The following CYBC1 variants were observed in gnomAD, a reference collection of about 807,000 sequenced individuals.
CYBC1 encodes cytochrome b-245 chaperone 1, also known as essential for reactive oxygen species protein.
A neutral mutation model predicts 21.7 loss-of-function variants in CYBC1; 22 were observed. That is an observed-to-expected ratio of 1.02 (90% confidence interval 0.73 to 1.45). The LOEUF is 1.45. Ranked by LOEUF, CYBC1 falls within the 40% of genes most tolerant of loss-of-function variation. CYBC1 has a pLI of 0.00. For missense variants in CYBC1, 237 were observed against 242.1 expected (o/e 0.98, Z 0.14); for synonymous variants, 112 against 98.7 (o/e 1.13, Z -0.80).
chr17:82,446,637 A>C lies in CYBC1; in HGVS notation c.187T>G (p.Leu63Val), dbSNP rs2054307022. 6.2e-7 allele frequency: 1 copy of C among 1,614,038 alleles called. No homozygotes were observed. Among genetic ancestry groups the C allele is most frequent in the South Asian group, 1.1e-5 (1 of 91,078 alleles). Residue 63 changes from leucine (L) to valine (V), a missense_variant, in exon 4 of 7, where the codon TTG (leucine) becomes GTG (valine). Coordinates refer to ENST00000306645, the MANE Select transcript of CYBC1 (RefSeq NM_001033046.4). ...TGCLFVAVQNLEDWEEAIFDK... is the reference protein window; with the variant it reads ...TGCLFVAVQNVEDWEEAIFDK... ...GCCGGCCTTACCTCCCAGTCCTCCA[A>C]GTTCTGCACAGCCACAAACAGGCAG...
chr17:82,449,326 C>T (rs960363648), intron 1 of CYBC1, 34 bp from the exon 2 acceptor site: 1 of 1,281,198 alleles, frequency 7.8e-7, no homozygotes, highest in Non-Finnish European at 1.0e-6. Context: ...AGCCCTTGGG[C>T]CTGCACACAG....
In CYBC1 at chr17:82,442,917, G is replaced by A. The variant is rs2054053099; in HGVS notation, c.*1087C>T. The stretch of plus-strand genomic sequence containing the variant: ...ACCTGGGAGGACCTGGGTACACTCA[G>A]GAGACCAAGAGCACTGGCGGGTCAG... On this transcript the variant is annotated 3_prime_UTR_variant, in exon 7 of 7. Transcript: ENST00000306645. This position sits in a 1 kb window ranked among gnomAD's most constrained non-coding sequence, Gnocchi z 6.8. 1 of 269,266 alleles carries A rather than the reference G, an allele frequency of 3.7e-6. No homozygotes were observed. The highest frequency in any genetic ancestry group is 4.8e-5 in the Admixed American group (1 of 20,990). 16.7% of individuals were successfully genotyped at this position (269,266 alleles called of 1,614,324 possible).
chr17:82,445,839 T>C (rs763951670), intron 5 of CYBC1, 25 bp downstream of exon 5: 5 of 1,575,538 alleles, frequency 3.2e-6, no homozygotes, highest in Non-Finnish European at 1.7e-6. Context: ...CCGTGTCCCA[T>C]GTCCCCACGC....
Position 82,449,191 on chromosome 17 carries a change from G to A in CYBC1, c.64C>T (p.Arg22Trp), listed in dbSNP as rs766142590. 56 of 1,580,638 alleles carry A rather than the reference G, an allele frequency of 3.5e-5. No individual in the cohort carries two copies. Among genetic ancestry groups the A allele is most frequent in the Non-Finnish European group, 4.6e-5 (54 of 1,163,960 alleles). The change falls in exon 2 of 7, where the codon CGG (arginine) becomes TGG (tryptophan). Residue 22 changes from arginine (R) to tryptophan (W), a missense_variant. Coordinates refer to ENST00000306645, the MANE Select transcript of CYBC1 (RefSeq NM_001033046.4). The part of the protein sequence containing the change: ...RLHLKRAPGI[R>W]SWSLLVGILS... ...TTACCAACCAGCAGGGACCAGGACC[G>A]GATGCCTGGAGCCCTCTTCAGATGG...
rs8008 is a variant in CYBC1 at position 82,442,879 on chromosome 17, C to G, written c.*1125G>C. 2.9e-6 allele frequency: 1 copy of G among 348,444 alleles called. No homozygotes were observed. Among genetic ancestry groups the G allele is most frequent in the South Asian group, 6.1e-5 (1 of 16,478 alleles). 21.6% of individuals were successfully genotyped at this position (348,444 alleles called of 1,614,324 possible). On this transcript the variant is annotated 3_prime_UTR_variant, in exon 7 of 7. Transcript: ENST00000306645. The surrounding 1 kb of genome is among the most constrained non-coding windows in gnomAD (Gnocchi z 6.8). ...GCCAGGGCATCAGGCCAGGCGCGCTCGGTGCACACCGCACCTGGGAGGACC... is the reference window on the plus strand; with the variant it reads ...GCCAGGGCATCAGGCCAGGCGCGCTGGGTGCACACCGCACCTGGGAGGACC...
At position 82,445,861 on chromosome 17, in the gene CYBC1, C is replaced by T; in HGVS notation, c.298+3G>A. 6.2e-7 allele frequency: 1 copy of T among 1,606,196 alleles called. No individual in the cohort carries two copies. Among genetic ancestry groups the T allele is most frequent in the Non-Finnish European group, 8.5e-7 (1 of 1,175,474 alleles). On this transcript the variant is annotated splice_donor_region_variant and intron_variant, in intron 5 of 6. Transcript: ENST00000306645. ...CCATGTCCCCACGCTCCCCACGACTCACCCTGGTCGTGGCCAGCTCTGAAA... is the reference window on the plus strand; with the variant it reads ...CCATGTCCCCACGCTCCCCACGACTTACCCTGGTCGTGGCCAGCTCTGAAA...
chr17:82,446,444 G>C (rs1045979543), intron 4 of CYBC1, among the ~76,000 whole-genome samples, 179 bp downstream of exon 4: 2 of 152,210 alleles, frequency 1.3e-5, no homozygotes, highest in Non-Finnish European at 2.9e-5. Flanking sequence ...GCCAAGAACG[G>C]TCCCAGATGA....
chr17:82,449,334 C>G (rs1286032516), intron 1 of CYBC1, 42 bp from the exon 2 acceptor site: 18 of 1,132,072 alleles, frequency 1.6e-5, no homozygotes, highest in Non-Finnish European at 2.2e-5. Flanking sequence ...GGCCTGCACA[C>G]AGGCAGGCGC....
chr17:82,449,316 AGCCC>A, intron 1 of CYBC1, 24 bp from the exon 2 acceptor site: 2 of 1,388,356 alleles, frequency 1.4e-6, no homozygotes, highest in Non-Finnish European at 1.9e-6. Flanking sequence ...GAGGCAGCTG[AGCCC>A]TTGGGCCTGC....
intron 4 of CYBC1, 90 bp from the exon 5 acceptor site, chr17:82,446,050 G>T: frequency 2.0e-6 from 2 of 1,017,494 alleles, no homozygotes; most frequent in Admixed American, 2.2e-5. Flanking sequence ...CACCAGGGTG[G>T]ACACTCAAGA....
In CYBC1 at chr17:82,443,942, G is replaced by A. The variant is rs1159568157; in HGVS notation, c.*62C>T. On this transcript the variant is annotated 3_prime_UTR_variant, in exon 7 of 7. Coordinates refer to ENST00000306645, the MANE Select transcript of CYBC1 (RefSeq NM_001033046.4). The surrounding 1 kb of genome is among the most constrained non-coding windows in gnomAD (Gnocchi z 6.7). ...TCCTGTGGGCGGTGCACGGGCTCAG[G>A]CACACCGGGAATGTGCCATGGGTCC... 7 of 1,595,726 alleles carry A rather than the reference G, an allele frequency of 4.4e-6. No homozygotes were observed. In the East Asian group the frequency reaches 1.1e-4, roughly 26 times the overall value.
At chr17:82,446,763 C>A in intron 3 of CYBC1, 67 bp from the exon 4 acceptor site, 1 of 1,507,850 alleles carries the variant, frequency 6.6e-7, no homozygotes, top group Non-Finnish European at 9.2e-7. Context: ...CCCCGCCTAG[C>A]ACAGCCTCCC....
Position 82,442,874 on chromosome 17 carries a change from G to A in CYBC1, c.*1130C>T, listed in dbSNP as rs964112329. The A allele has an allele frequency of 5.2e-6, 2 of 386,804 alleles. No individual in the cohort carries two copies. The highest frequency in any genetic ancestry group is 6.7e-4 in the Middle Eastern group (1 of 1,492). The allele number at this position is 386,804 out of a possible 1,614,324, so 24.0% of individuals were successfully genotyped here. A position where few individuals can be genotyped will look rare whatever the true frequency, so the allele number is the denominator to read the frequency against. On this transcript the variant is annotated 3_prime_UTR_variant, in exon 7 of 7. Transcript: ENST00000306645. This position sits in a 1 kb window ranked among gnomAD's most constrained non-coding sequence, Gnocchi z 6.8. ...CACAGGCCAGGGCATCAGGCCAGGCGCGCTCGGTGCACACCGCACCTGGGA... is the reference window on the plus strand; with the variant it reads ...CACAGGCCAGGGCATCAGGCCAGGCACGCTCGGTGCACACCGCACCTGGGA...
chr17:82,447,310 G>A (rs1306162085), intron 3 of CYBC1: 5 of 500,180 alleles, frequency 1.0e-5, no homozygotes, highest in East Asian at 3.8e-5. Flanking sequence ...CCGAGATCCC[G>A]CCACTGCACT....
At position 82,449,310 on chromosome 17, in the gene CYBC1, C is replaced by T; in HGVS notation, c.-38-18G>A. The T allele has an allele frequency of 7.1e-7, 1 of 1,415,190 alleles. No homozygotes were observed. The highest frequency in any genetic ancestry group is 9.4e-7 in the Non-Finnish European group (1 of 1,058,868). 87.7% of individuals were successfully genotyped at this position (1,415,190 alleles called of 1,614,324 possible). A position where few individuals can be genotyped will look rare whatever the true frequency, so the allele number is the denominator to read the frequency against. Reference sequence around the variant, plus strand: ...GGAGGGGTCTGGGAACAGACAGAGGCAGCTGAGCCCTTGGGCCTGCACACA... The same window carrying T: ...GGAGGGGTCTGGGAACAGACAGAGGTAGCTGAGCCCTTGGGCCTGCACACA... On this transcript the variant is annotated intron_variant, in intron 1 of 6. Coordinates refer to ENST00000306645, the MANE Select transcript of CYBC1 (RefSeq NM_001033046.4).
At chr17:82,445,239 G>C (rs7226245) in intron 5 of CYBC1, 70,207 of 153,510 alleles carry the variant, frequency 0.46, 17,586 homozygotes, top group East Asian at 0.92. Flanking sequence ...CGGGGCCTCT[G>C]TCTGTCTGTG....
At chr17:82,445,498 T>C in intron 5 of CYBC1, 1 of 178,000 alleles carries the variant, frequency 5.6e-6, no homozygotes, top group Non-Finnish European at 1.2e-5. Flanking sequence ...GACAAGTGGC[T>C]GCCAGGCAGA....
At chr17:82,447,389 C>T (rs1030892386) in intron 3 of CYBC1, 191 bp downstream of exon 3, 3 of 623,360 alleles carry the variant, frequency 4.8e-6, no homozygotes, top group African/African-American at 3.7e-5. Context: ...GTGGGCTGAG[C>T]GCTGGGCAGG....
Position 82,444,090 on chromosome 17 carries a change from A to C in CYBC1, c.478T>G (p.Phe160Val). 1 of 1,613,162 alleles carries C rather than the reference A, an allele frequency of 6.2e-7. No individual in the cohort carries two copies. Among genetic ancestry groups the C allele is most frequent in the Non-Finnish European group, 8.5e-7 (1 of 1,179,574 alleles). ...VEAIAKLITS[F>V]LELHCLESPT... is the part of the protein sequence containing the mutation. ...CTCTCAAGGCAGTGCAGCTCCAGGA[A>C]GCTGGTGATGAGCTTGGCGATGGCT... Residue 160 changes from phenylalanine (F) to valine (V), a missense_variant, in exon 7 of 7, where the codon TTC becomes GTC. Coordinates refer to ENST00000306645, the MANE Select transcript of CYBC1 (RefSeq NM_001033046.4).
Sources: gnomAD v4.1 joint callset for allele counts (sites outside exome capture counted in the v4.1 genomes callset) on GRCh38, gnomAD v4.1.1 for gene constraint, Gnocchi (gnomAD v3.1) non-coding constraint, MANE v1.5 for transcripts, NCBI Gene and HGNC (gene_info 2026-07-23, HGNC 2026-07-21) for gene names.